The following RSBN1L variants were observed in gnomAD, a reference collection of about 807,000 sequenced individuals.
RSBN1L encodes lysine-specific demethylase RSBN1L.
Under a neutral mutation model 67.7 loss-of-function variants are expected in RSBN1L, and 30 were observed. The ratio of observed to expected loss-of-function variants is 0.44; its 90% CI spans 0.33 to 0.60. The LOEUF is 0.60. Ranked by LOEUF, RSBN1L falls within the 20% of genes least tolerant of loss-of-function variation. The pLI is 0.02. For missense variants in RSBN1L, 992 were observed against 1,031.7 expected (o/e 0.96, Z 0.53); for synonymous variants, 433 against 387.0 (o/e 1.12, Z -1.39).
chr7:77,767,396 T>TG (rs1791783201), intron 4 of RSBN1L, among the ~76,000 whole-genome samples: 2 of 151,946 alleles, frequency 1.3e-5, no homozygotes, highest in African/African-American at 4.8e-5. Flanking sequence ...TGGTTTCAGA[T>TG]GGAGTCTCGC....
intron 4 of RSBN1L, among the ~76,000 whole-genome samples, chr7:77,766,687 G>A (rs1223625220): frequency 6.6e-6 from 1 of 152,040 alleles, no homozygotes. Context: ...TCAGGGTCCA[G>A]GTAAGCTGTG....
rs1253403075 is a variant in RSBN1L at position 77,782,286 on chromosome 7, C to T, written c.*3118C>T. 6.6e-6 allele frequency: 1 copy of T among 151,980 alleles called. No homozygotes were observed. Among genetic ancestry groups the T allele is most frequent in the African/African-American group, 2.4e-5 (1 of 41,376 alleles). 9.4% of individuals were successfully genotyped at this position (151,980 alleles called of 1,614,324 possible). ...CAGAACAATAAAATACATAAGACATCGTTTCTATATGGTCATATACTATAT... is the reference window on the plus strand; with the variant it reads ...CAGAACAATAAAATACATAAGACATTGTTTCTATATGGTCATATACTATAT... On this transcript the variant is annotated 3_prime_UTR_variant, in exon 8 of 8. Coordinates refer to ENST00000334955, the MANE Select transcript of RSBN1L (RefSeq NM_198467.3).
intron 1 of RSBN1L, among the ~76,000 whole-genome samples, chr7:77,710,338 G>C (rs777615007): frequency 6.6e-6 from 1 of 152,142 alleles, no homozygotes; most frequent in Admixed American, 6.5e-5. Flanking sequence ...CAGATTCCTT[G>C]AAATGTCTTC....
At chr7:77,721,456 T>A (rs1345806737) in intron 1 of RSBN1L, among the ~76,000 whole-genome samples, 2 of 152,148 alleles carry the variant, frequency 1.3e-5, no homozygotes, top group African/African-American at 2.4e-5. Flanking sequence ...TGAGCAGTTA[T>A]ACAAAAAATC....
chr7:77,757,164 C>G (rs910928933), intron 3 of RSBN1L, among the ~76,000 whole-genome samples: 2 of 152,196 alleles, frequency 1.3e-5, no homozygotes, highest in Non-Finnish European at 2.9e-5. Context: ...TAGTGTTTAT[C>G]TCTGTAATAG....
intron 1 of RSBN1L, among the ~76,000 whole-genome samples, chr7:77,718,452 C>G (rs1402713079): frequency 1.3e-5 from 2 of 151,998 alleles, no homozygotes; most frequent in Non-Finnish European, 2.9e-5. Flanking sequence ...CCACACCTGG[C>G]TAATTTTTTT....
chr7:77,706,999 C>T (rs1326091231), intron 1 of RSBN1L, among the ~76,000 whole-genome samples: 3 of 151,598 alleles, frequency 2.0e-5, no homozygotes, highest in Admixed American at 1.3e-4. Flanking sequence ...ACTGTATACC[C>T]GTATGAATTC....
chr7:77,719,904 A>G (rs1455142209), intron 1 of RSBN1L, among the ~76,000 whole-genome samples: 1 of 152,140 alleles, frequency 6.6e-6, no homozygotes, highest in African/African-American at 2.4e-5. Context: ...AGCCAGTACT[A>G]TAGGTGCGCA....
chr7:77,776,853 C>T (rs1351962207), intron 6 of RSBN1L, among the ~76,000 whole-genome samples: 2 of 151,332 alleles, frequency 1.3e-5, no homozygotes, highest in Non-Finnish European at 2.9e-5. Flanking sequence ...TTTTTTTAAT[C>T]CAGTGACAAT....
At chr7:77,740,044 G>A (rs948230786) in intron 2 of RSBN1L, among the ~76,000 whole-genome samples, 4 of 151,786 alleles carry the variant, frequency 2.6e-5, no homozygotes, top group Non-Finnish European at 4.4e-5. Context: ...GAGCCACTGC[G>A]TCCGGCCTGT....
At chr7:77,771,016 A>G (rs1193825107) in intron 5 of RSBN1L, among the ~76,000 whole-genome samples, 1 of 152,166 alleles carries the variant, frequency 6.6e-6, no homozygotes, top group East Asian at 1.9e-4. Context: ...ATCTCGGCTC[A>G]CTGCAACCTC....
chr7:77,726,776 A>C (rs1454934559), intron 1 of RSBN1L, among the ~76,000 whole-genome samples: 1 of 112,306 alleles, frequency 8.9e-6, no homozygotes, highest in Non-Finnish European at 1.7e-5. Context: ...CACCCAGCTA[A>C]TTTTTTTTTT....
intron 1 of RSBN1L, among the ~76,000 whole-genome samples, chr7:77,722,968 C>CTTTT (rs71531006): frequency 3.8e-5 from 5 of 132,340 alleles, no homozygotes; most frequent in Admixed American, 7.9e-5. Flanking sequence ...TTTCTCTCTT[C>CTTTT]TTTTTTTTTT....
chr7:77,736,177 T>C (rs1180249887), intron 1 of RSBN1L, among the ~76,000 whole-genome samples: 1 of 152,128 alleles, frequency 6.6e-6, no homozygotes, highest in African/African-American at 2.4e-5. Flanking sequence ...AAGTGAAGAA[T>C]ACTTAGAATA....
intron 2 of RSBN1L, among the ~76,000 whole-genome samples, chr7:77,738,958 A>T (rs1367362056): frequency 6.6e-6 from 1 of 152,094 alleles, no homozygotes; most frequent in Non-Finnish European, 1.5e-5. Context: ...AAAAACAAAA[A>T]ACACCAATAA....
At chr7:77,705,401 CAT>C (rs1221385582) in intron 1 of RSBN1L, among the ~76,000 whole-genome samples, 1 of 151,572 alleles carries the variant, frequency 6.6e-6, no homozygotes, top group Non-Finnish European at 1.5e-5. Context: ...CCTAGGTACT[CAT>C]ATTACGTTTG....
chr7:77,733,859 G>A (rs980886516), intron 1 of RSBN1L, among the ~76,000 whole-genome samples: 2 of 152,222 alleles, frequency 1.3e-5, no homozygotes, highest in Non-Finnish European at 1.5e-5. Context: ...GGGTGTGGTG[G>A]CTCACGCCTG....
At chr7:77,713,229 T>C (rs1345337118) in intron 1 of RSBN1L, among the ~76,000 whole-genome samples, 1 of 152,144 alleles carries the variant, frequency 6.6e-6, no homozygotes, top group African/African-American at 2.4e-5. Context: ...TTTTTTTCTC[T>C]CTAAACTATC....
chr7:77,727,442 T>A (rs7804910), intron 1 of RSBN1L, among the ~76,000 whole-genome samples: 87,423 of 152,016 alleles, frequency 0.58, 27,013 homozygotes, highest in African/African-American at 0.81. Context: ...TACTTTTTTT[T>A]AGTTAGTTTT....
Sources: gnomAD v4.1 joint callset for allele counts (sites outside exome capture counted in the v4.1 genomes callset) on GRCh38, gnomAD v4.1.1 for gene constraint, MANE v1.5 for transcripts, NCBI Gene and HGNC (gene_info 2026-07-23, HGNC 2026-07-21) for gene names.